Variants in HIVEP1 observed in about 807,000 individuals in gnomAD.
HIVEP1 encodes the protein zinc finger protein 40.
HIVEP1 carries 36 observed loss-of-function variants against 180.0 expected under a neutral mutation model. The ratio of observed to expected loss-of-function variants is 0.20; its 90% CI spans 0.15 to 0.26. The LOEUF (loss-of-function observed/expected upper bound fraction) is 0.26. HIVEP1 is among the 10% of genes least tolerant of loss of function. The probability of loss-of-function intolerance (pLI) is 1.00; values close to 1 mark genes in which losing one functional copy is unlikely to be tolerated. For missense variants in HIVEP1, 3,143 were observed against 3,268.7 expected, an observed-to-expected ratio of 0.96 and a Z score of 0.94; for synonymous variants, 1,239 against 1,239.0, an observed-to-expected ratio of 1.00 and a Z score of 0.00.
rs376687140 is a variant in HIVEP1, at chr6:12,163,636, G to A, written c.7332G>A (p.Thr2444=). 1.4e-5 allele frequency: 23 copies of A among 1,614,002 alleles called. No individual in the cohort carries two copies. The highest frequency in any genetic ancestry group is 3.3e-5 in the South Asian group (3 of 91,088). ...VHRTLGTHRN[T]VTEVSGTTNP... Reference sequence around the variant, plus strand: ...GAACTTTGGGTACTCATAGGAATACGGTCACAGAAGTGTCTGGCACTACAA... The same window carrying A: ...GAACTTTGGGTACTCATAGGAATACAGTCACAGAAGTGTCTGGCACTACAA... The change falls in exon 9 of 9, where the codon ACG becomes ACA. Residue 2444 remains threonine, a synonymous_variant. Coordinates refer to ENST00000379388, the MANE Select transcript of HIVEP1 (RefSeq NM_002114.4).
chr6:12,112,257 A>G (rs968716900), intron 3 of HIVEP1, among the ~76,000 whole-genome samples: 1 of 151,860 alleles, frequency 6.6e-6, no homozygotes. Context: ...AGTCTGCTTT[A>G]ATTTTTATCT....
At chr6:12,203,165 C>G in the HIVEP1 span, among the ~76,000 whole-genome samples, 1 of 152,224 alleles carries the variant, frequency 6.6e-6, no homozygotes, top group Non-Finnish European at 1.5e-5. Context: ...AAGGATCTGA[C>G]ACAGGGAGCT....
At chr6:12,078,175 G>A (rs920955105) in intron 2 of HIVEP1, among the ~76,000 whole-genome samples, 1 of 152,120 alleles carries the variant, frequency 6.6e-6, no homozygotes, top group African/African-American at 2.4e-5. Context: ...GGATGTGAAA[G>A]ATGCCAAGCA....
intron 3 of HIVEP1, among the ~76,000 whole-genome samples, chr6:12,091,910 TGTG>T (rs1210124261): frequency 6.6e-6 from 1 of 152,148 alleles, no homozygotes; most frequent in Non-Finnish European, 1.5e-5. Flanking sequence ...CTGTCACAGA[TGTG>T]GTAATGGAAT....
chr6:12,105,818 A>G (rs781756734), intron 3 of HIVEP1, among the ~76,000 whole-genome samples: 2 of 151,688 alleles, frequency 1.3e-5, no homozygotes, highest in Non-Finnish European at 2.9e-5. Flanking sequence ...ATTTATTCCT[A>G]TTTTCTTATT....
At chr6:12,152,897 T>TA (rs1759792124) in intron 7 of HIVEP1, among the ~76,000 whole-genome samples, 1 of 152,330 alleles carries the variant, frequency 6.6e-6, no homozygotes, top group African/African-American at 2.4e-5. Context: ...AAAATCAGAT[T>TA]AAAATGGAGC....
At chr6:12,209,161 A>G in the HIVEP1 span, among the ~76,000 whole-genome samples, 1 of 151,934 alleles carries the variant, frequency 6.6e-6, no homozygotes, top group Non-Finnish European at 1.5e-5. Flanking sequence ...TCCACCTCCT[A>G]CCATCCCCCA....
chr6:12,202,179 A>T, the HIVEP1 span, among the ~76,000 whole-genome samples: 4 of 152,044 alleles, frequency 2.6e-5, no homozygotes, highest in African/African-American at 9.7e-5. Context: ...TTTTTGAGAC[A>T]GGGTCTCATT....
chr6:12,088,747 T>C (rs1773268350), intron 2 of HIVEP1, among the ~76,000 whole-genome samples: 1 of 147,560 alleles, frequency 6.8e-6, no homozygotes. Context: ...CATCCTCGTC[T>C]CTGTTTTTCC....
At position 12,122,307 on chromosome 6, in the gene HIVEP1, A is replaced by C. The variant is rs757506167; in HGVS notation, c.2512A>C (p.Arg838=). Reference sequence around the variant, plus strand: ...TTCACTTGACTGTTTACCTATCACAAGAAGTAATTCCATGCCGACCACAGG... The same window carrying C: ...TTCACTTGACTGTTTACCTATCACACGAAGTAATTCCATGCCGACCACAGG... ...VPSLDCLPIT[R]SNSMPTTGYS... is the part of the protein sequence containing the mutation. Residue 838 remains arginine (R), a synonymous_variant, in exon 4 of 9, where the codon AGA becomes CGA. Transcript: ENST00000379388. The C allele has an allele frequency of 6.2e-7, 1 of 1,614,272 alleles. No individual in the cohort carries two copies. The highest frequency in any genetic ancestry group is 8.5e-7 in the Non-Finnish European group (1 of 1,180,048).
At chr6:12,186,664 A>C in the HIVEP1 span, among the ~76,000 whole-genome samples, 1 of 152,278 alleles carries the variant, frequency 6.6e-6, no homozygotes, top group East Asian at 1.9e-4. Context: ...ACACTAAAGA[A>C]AGGCAACAAA....
chr6:12,188,992 G>A, the HIVEP1 span, among the ~76,000 whole-genome samples: 1 of 151,826 alleles, frequency 6.6e-6, no homozygotes, highest in Non-Finnish European at 1.5e-5. Context: ...CTATAAATGG[G>A]CACAACTACA....
At chr6:12,043,869 C>A (rs544608564) in intron 2 of HIVEP1, among the ~76,000 whole-genome samples, 1 of 152,102 alleles carries the variant, frequency 6.6e-6, no homozygotes, top group African/African-American at 2.4e-5. Context: ...ATTTTAGTGT[C>A]TCTGTCCTCT....
At chr6:12,114,214 G>T (rs1775084119) in intron 3 of HIVEP1, among the ~76,000 whole-genome samples, 1 of 152,116 alleles carries the variant, frequency 6.6e-6, no homozygotes, top group Non-Finnish European at 1.5e-5. Context: ...ATATGATAGG[G>T]TTTTTACCTC....
intron 2 of HIVEP1, among the ~76,000 whole-genome samples, chr6:12,048,121 T>A (rs2113706295): frequency 6.6e-6 from 1 of 152,362 alleles, no homozygotes; most frequent in African/African-American, 2.4e-5. Context: ...AGATTTCTGT[T>A]AAGCGGGCAT....
intron 2 of HIVEP1, among the ~76,000 whole-genome samples, chr6:12,068,868 C>G (rs1009677078): frequency 6.9e-6 from 1 of 145,474 alleles, no homozygotes; most frequent in African/African-American, 2.5e-5. Flanking sequence ...AATACAGAAG[C>G]ATATACAATA....
chr6:12,164,665 C>CT lies in HIVEP1; in HGVS notation c.*207dup, dbSNP rs1434325087. 1.4e-5 allele frequency: 7 copies of CT among 490,912 alleles called. No homozygotes were observed. The highest frequency in any genetic ancestry group is 1.4e-4 in the African/African-American group (7 of 50,874). 30.4% of individuals were successfully genotyped at this position (490,912 alleles called of 1,614,324 possible). On this transcript the variant is annotated 3_prime_UTR_variant, in exon 9 of 9. Coordinates refer to ENST00000379388, the MANE Select transcript of HIVEP1 (RefSeq NM_002114.4). ...TATAGACAATTGTGCCTTTTAGGAG[C>CT]TTTATGTTTAGAAACTGTACAGATT...
At chr6:12,013,817 C>T (rs1767556273) in intron 1 of HIVEP1, among the ~76,000 whole-genome samples, 1 of 95,402 alleles carries the variant, frequency 1.0e-5, no homozygotes, top group African/African-American at 3.3e-5. Flanking sequence ...AATACTTAGA[C>T]CATCATTTTT....
intron 7 of HIVEP1, among the ~76,000 whole-genome samples, chr6:12,144,184 A>T (rs1759225443): frequency 6.6e-6 from 1 of 152,224 alleles, no homozygotes; most frequent in African/African-American, 2.4e-5. Flanking sequence ...AAACAGATAT[A>T]TAGACCAATG....
Sources: allele counts gnomAD v4.1 joint callset (sites outside exome capture counted in the v4.1 genomes callset), GRCh38; gene constraint gnomAD v4.1.1; transcripts MANE v1.5; gene names NCBI Gene and HGNC (gene_info 2026-07-23, HGNC 2026-07-21).